Variants in TGFA observed in about 807,000 individuals in gnomAD.
TGFA encodes protransforming growth factor alpha.
A neutral mutation model predicts 21.7 loss-of-function variants in TGFA; 12 were observed. The observed-to-expected ratio is 0.55, with a 90% CI of 0.35 to 0.90. The LOEUF (loss-of-function observed/expected upper bound fraction) is 0.90, where lower values mean the gene tolerates loss of function less well. Ranked by LOEUF, TGFA falls within the 40% of genes least tolerant of loss-of-function variation. TGFA has a pLI of 0.01. For synonymous variants in TGFA, 79 were observed against 88.1 expected (o/e 0.90, Z 0.58); for missense variants, 178 against 210.8 (o/e 0.84, Z 0.96).
At chr2:70,547,336 T>C (rs2103950344) in intron 1 of TGFA, among the ~76,000 whole-genome samples, 1 of 152,266 alleles carries the variant, frequency 6.6e-6, no homozygotes, top group African/African-American at 2.4e-5. Flanking sequence ...GGCTCATGCC[T>C]GTAATCCAGC....
intron 1 of TGFA, among the ~76,000 whole-genome samples, chr2:70,536,327 C>T (rs1266831605): frequency 1.3e-5 from 2 of 152,152 alleles, no homozygotes; most frequent in East Asian, 3.8e-4. Flanking sequence ...ATCCCTCTAG[C>T]AGAAGTGGTT....
At chr2:70,471,893 T>C (rs577633340) in intron 2 of TGFA, among the ~76,000 whole-genome samples, 2 of 152,266 alleles carry the variant, frequency 1.3e-5, no homozygotes, top group African/African-American at 4.8e-5. Flanking sequence ...AGTTATTTTA[T>C]AAAAATGAGC....
intron 2 of TGFA, among the ~76,000 whole-genome samples, chr2:70,505,298 AG>A (rs1671888454): frequency 1.3e-5 from 2 of 152,222 alleles, no homozygotes; most frequent in African/African-American, 4.8e-5. Flanking sequence ...GCACTGGTCA[AG>A]GGCTGAATCC....
At chr2:70,501,250 C>T (rs1671729943) in intron 2 of TGFA, among the ~76,000 whole-genome samples, 1 of 145,942 alleles carries the variant, frequency 6.9e-6, no homozygotes, top group Non-Finnish European at 1.5e-5. Context: ...GTGCTCTTTG[C>T]TTGCAATTTT....
At chr2:70,473,355 G>A (rs1553493624) in intron 2 of TGFA, among the ~76,000 whole-genome samples, 1 of 152,050 alleles carries the variant, frequency 6.6e-6, no homozygotes, top group Non-Finnish European at 1.5e-5. Flanking sequence ...GAGACTTGGT[G>A]AGCAGGGATC....
At chr2:70,493,218 C>T (rs1359961156) in intron 2 of TGFA, among the ~76,000 whole-genome samples, 1 of 152,190 alleles carries the variant, frequency 6.6e-6, no homozygotes. Context: ...ATTTCAGTTT[C>T]CTTCAGCAGC....
intron 1 of TGFA, among the ~76,000 whole-genome samples, chr2:70,545,077 T>G (rs536974346): frequency 6.6e-6 from 1 of 152,298 alleles, no homozygotes; most frequent in South Asian, 2.1e-4. Flanking sequence ...CCATTTACCT[T>G]GATGTGTTTA....
In TGFA at chr2:70,448,073, G is replaced by A. The variant is rs1553488970; in HGVS notation, c.*2786C>T. The A allele has an allele frequency of 6.6e-6, 1 of 152,172 alleles. No homozygotes were observed. Among genetic ancestry groups the A allele is most frequent in the East Asian group, 1.9e-4 (1 of 5,194 alleles). The allele number at this position is 152,172 out of a possible 1,614,324, so 9.4% of individuals were successfully genotyped here. A position where few individuals can be genotyped will look rare whatever the true frequency, so the allele number is the denominator to read the frequency against. On this transcript the variant is annotated 3_prime_UTR_variant, in exon 6 of 6. Transcript: ENST00000295400. Reference sequence around the variant, plus strand: ...ATCCCATCTTTTTCTCCTTTCTCAGGGAAAAGAACTCTAGGGCCATTCTGC... The same window carrying A: ...ATCCCATCTTTTTCTCCTTTCTCAGAGAAAAGAACTCTAGGGCCATTCTGC...
intron 2 of TGFA, among the ~76,000 whole-genome samples, chr2:70,472,098 G>A (rs1670769317): frequency 6.6e-6 from 1 of 151,972 alleles, no homozygotes; most frequent in Non-Finnish European, 1.5e-5. Context: ...GTGAGGGAAG[G>A]AAAGGCCTAG....
intron 3 of TGFA, among the ~76,000 whole-genome samples, chr2:70,456,747 A>G (rs1400630154): frequency 1.3e-5 from 2 of 152,248 alleles, no homozygotes; most frequent in Non-Finnish European, 2.9e-5. Context: ...GAAGCAATCC[A>G]TGACTATTGT....
At chr2:70,484,225 C>T (rs1671207405) in intron 2 of TGFA, among the ~76,000 whole-genome samples, 1 of 152,230 alleles carries the variant, frequency 6.6e-6, no homozygotes, top group Non-Finnish European at 1.5e-5. Flanking sequence ...CTGAGTAATA[C>T]ATAACCAACA....
Position 70,449,791 on chromosome 2 carries a change from T to C in TGFA, c.*1068A>G, listed in dbSNP as rs1574060847. On this transcript the variant is annotated 3_prime_UTR_variant, in exon 6 of 6. Transcript: ENST00000295400. ...TCATGGATTTGGCCTGAAATGCCTA[T>C]GGCTCGTGGCTAATGTTCTATTTCT... is the stretch of plus-strand genomic sequence containing the variant. 1 of 192,546 alleles carries C rather than the reference T, an allele frequency of 5.2e-6. No individual in the cohort carries two copies. Among genetic ancestry groups the C allele is most frequent in the Non-Finnish European group, 1.1e-5 (1 of 90,408 alleles). The allele number at this position is 192,546 out of a possible 1,614,324, so 11.9% of individuals were successfully genotyped here. A position where few individuals can be genotyped will look rare whatever the true frequency, so the allele number is the denominator to read the frequency against.
At chr2:70,553,570 T>C (rs1673584160) in intron 1 of TGFA, 158 bp downstream of exon 1, 1 of 1,323,584 alleles carries the variant, frequency 7.6e-7, no homozygotes, top group Admixed American at 3.7e-5. Flanking sequence ...TCATTCTTAA[T>C]GACTCCCCTT....
intron 2 of TGFA, among the ~76,000 whole-genome samples, chr2:70,499,540 G>A (rs1183250238): frequency 6.6e-6 from 1 of 152,196 alleles, no homozygotes; most frequent in African/African-American, 2.4e-5. Flanking sequence ...AGCGTTCTGG[G>A]TGATTCTTAT....
At chr2:70,519,194 G>C (rs1156123) in intron 1 of TGFA, among the ~76,000 whole-genome samples, 8,357 of 152,128 alleles carry the variant, frequency 0.055, 771 homozygotes, top group African/African-American at 0.19. Flanking sequence ...ACCATTCTTA[G>C]ACCTGGCAGG....
At chr2:70,524,735 C>A (rs1672583927) in intron 1 of TGFA, among the ~76,000 whole-genome samples, 1 of 152,178 alleles carries the variant, frequency 6.6e-6, no homozygotes, top group African/African-American at 2.4e-5. Flanking sequence ...GGGCTAGGGA[C>A]AAAGCTGGGG....
intron 1 of TGFA, among the ~76,000 whole-genome samples, chr2:70,539,702 G>A (rs192597179): frequency 3.3e-5 from 5 of 152,068 alleles, no homozygotes; most frequent in South Asian, 2.1e-4. Context: ...TGATCTGCCC[G>A]CCTCGGCCTC....
intron 4 of TGFA, 21 bp from the exon 5 acceptor site, chr2:70,453,348 C>T (rs1553489988): frequency 6.2e-7 from 1 of 1,607,882 alleles, no homozygotes; most frequent in Non-Finnish European, 8.5e-7. Context: ...ACAGAGGACC[C>T]AGTCTGGGCA....
At chr2:70,452,712 C>A (rs1055991246) in intron 5 of TGFA, among the ~76,000 whole-genome samples, 7 of 152,152 alleles carry the variant, frequency 4.6e-5, no homozygotes, top group Admixed American at 6.5e-5. Flanking sequence ...GAGGCCGAGG[C>A]AGGCAGATCA....
Sources: gnomAD v4.1 joint callset for allele counts (sites outside exome capture counted in the v4.1 genomes callset) on GRCh38, gnomAD v4.1.1 for gene constraint, MANE v1.5 for transcripts, NCBI Gene and HGNC (gene_info 2026-07-23, HGNC 2026-07-21) for gene names.